TMEM127: variants seen among roughly 807,000 people sequenced by gnomAD.
TMEM127 encodes transmembrane protein 127.
A neutral mutation model predicts 20.1 loss-of-function variants in TMEM127; 21 were observed. The ratio of observed to expected loss-of-function variants is 1.04; its 90% CI spans 0.74 to 1.50. The LOEUF is 1.50. Among genes scored for constraint, TMEM127 ranks in the 40% most tolerant of loss-of-function variants. The probability of loss-of-function intolerance (pLI) is 0.00; values close to 1 mark genes in which losing one functional copy is unlikely to be tolerated. For synonymous variants in TMEM127, 150 were observed against 144.7 expected (o/e 1.04, Z -0.26); for missense variants, 303 against 317.4 (o/e 0.95, Z 0.34).
chr2:96,253,905 G>A lies in TMEM127; in HGVS notation c.620C>T (p.Ala207Val), dbSNP rs751044006. ...TTCCATCTCTGAGAGCAGCTCCAGCGCCTGCTCCTCTTCCTCTGTGGGGTA... is the reference window on the plus strand; with the variant it reads ...TTCCATCTCTGAGAGCAGCTCCAGCACCTGCTCCTCTTCCTCTGTGGGGTA... ...RHYPTEEEEQALELLSEMEEN... is the reference protein window; with the variant it reads ...RHYPTEEEEQVLELLSEMEEN... The change falls in exon 4 of 4, where the codon GCG (alanine) becomes GTG (valine). Residue 207 changes from alanine (A) to valine (V), a missense_variant. Ala to Val is a moderately conservative substitution (Grantham distance 64). Coordinates refer to ENST00000258439, the MANE Select transcript of TMEM127 (RefSeq NM_017849.4). The surrounding 1 kb of genome is among the most constrained non-coding windows in gnomAD (Gnocchi z 4.3). 35 of 1,613,954 alleles carry A rather than the reference G, an allele frequency of 2.2e-5. No individual in the cohort carries two copies. Among genetic ancestry groups the A allele is most frequent in the Non-Finnish European group, 2.5e-5 (29 of 1,179,844 alleles).
chr2:96,250,160 C>T lies in TMEM127; in HGVS notation c.*3648G>A, dbSNP rs971203249. ...GTCATTAAAATAAGGTTGCATCCCTCCCTTCCCTTCTGAAAATCCTTCCTG... is the reference window on the plus strand; with the variant it reads ...GTCATTAAAATAAGGTTGCATCCCTTCCTTCCCTTCTGAAAATCCTTCCTG... On this transcript the variant is annotated 3_prime_UTR_variant, in exon 4 of 4. Transcript: ENST00000258439. 2.1e-5 allele frequency: 5 copies of T among 233,440 alleles called. No individual in the cohort carries two copies. The highest frequency in any genetic ancestry group is 4.2e-5 in the Non-Finnish European group (5 of 118,150). 14.5% of individuals were successfully genotyped at this position (233,440 alleles called of 1,614,324 possible).
At position 96,254,915 on chromosome 2, in the gene TMEM127, GGAGA is replaced by G. The variant is rs1056808978; in HGVS notation, c.323_326del (p.Leu108ProfsTer15). ...GCCCAAAGACATCCAGAAGGAAAGC[GGAGA>G]GACTACACAGGATGCCCAGGAAACA... On this transcript the variant is annotated frameshift_variant, in exon 3 of 4. Transcript: ENST00000258439. LOFTEE classifies it high-confidence loss of function. The G allele has an allele frequency of 6.2e-7, 1 of 1,613,980 alleles. No homozygotes were observed. Among genetic ancestry groups the G allele is most frequent in the African/African-American group, 1.3e-5 (1 of 74,890 alleles).
chr2:96,250,092 C>T lies in TMEM127; in HGVS notation c.*3716G>A, dbSNP rs1049768245. The T allele has an allele frequency of 2.1e-5, 5 of 233,166 alleles. No individual in the cohort carries two copies. The highest frequency in any genetic ancestry group is 3.4e-5 in the Non-Finnish European group (4 of 118,058). 14.4% of individuals were successfully genotyped at this position (233,166 alleles called of 1,614,324 possible). On this transcript the variant is annotated 3_prime_UTR_variant, in exon 4 of 4. Coordinates refer to ENST00000258439, the MANE Select transcript of TMEM127 (RefSeq NM_017849.4). ...GGCAGGTCCTGTCTCCCACTTTCAA[C>T]ACCCTCACTTAAGGCCAGGCAGAAC...
chr2:96,265,082 C>A, intron 2 of TMEM127, 56 bp downstream of exon 2: 1 of 1,606,646 alleles, frequency 6.2e-7, no homozygotes, highest in Admixed American at 1.7e-5. Context: ...CTGCTTCAGC[C>A]AGAACACATT....
At chr2:96,256,693 G>A (rs553702617) in intron 2 of TMEM127, among the ~76,000 whole-genome samples, 1 of 152,086 alleles carries the variant, frequency 6.6e-6, no homozygotes, top group East Asian at 1.9e-4. Flanking sequence ...TTAGAGAAAT[G>A]TGCAGCTACA....
rs1381836618 is a variant in TMEM127, at chr2:96,249,679, A to C, written c.*4129T>G. On this transcript the variant is annotated 3_prime_UTR_variant, in exon 4 of 4. Transcript: ENST00000258439. ...CACTCCCCCCAAAAAATGCAGAGGA[A>C]GAGGTAAGATTGCAGGCTATTTGAA... The C allele has an allele frequency of 1.7e-5, 4 of 232,824 alleles. No homozygotes were observed. In the East Asian group the frequency reaches 2.4e-4, roughly 14 times the overall value. 14.4% of individuals were successfully genotyped at this position (232,824 alleles called of 1,614,324 possible).
intron 1 of TMEM127, 49 bp downstream of exon 1, chr2:96,265,820 C>A (rs568016782): frequency 5.5e-6 from 1 of 183,372 alleles, no homozygotes; most frequent in East Asian, 1.2e-4. Flanking sequence ...GTTTGGGGTG[C>A]GACCTGTGCG....
intron 3 of TMEM127, among the ~76,000 whole-genome samples, chr2:96,254,495 G>A (rs1487568947): frequency 1.3e-5 from 2 of 152,192 alleles, no homozygotes; most frequent in Non-Finnish European, 2.9e-5. Flanking sequence ...CTGACCAGGA[G>A]CTCCAGGGGA....
In TMEM127 at chr2:96,250,644, C is replaced by A; in HGVS notation, c.*3164G>T. The stretch of plus-strand genomic sequence containing the variant: ...TAAATGGGCTGCTCCCTGAAGAGAG[C>A]CCTCAGCTCTTTTACCGTGATGCAC... On this transcript the variant is annotated 3_prime_UTR_variant, in exon 4 of 4. Transcript: ENST00000258439. 4.3e-6 allele frequency: 1 copy of A among 232,986 alleles called. No homozygotes were observed. The highest frequency in any genetic ancestry group is 6.0e-5 in the East Asian group (1 of 16,560). The allele number at this position is 232,986 out of a possible 1,614,324, so 14.4% of individuals were successfully genotyped here.
At chr2:96,255,721 G>T (rs1466189372) in intron 2 of TMEM127, among the ~76,000 whole-genome samples, 1 of 152,100 alleles carries the variant, frequency 6.6e-6, no homozygotes, top group East Asian at 1.9e-4. Context: ...CACTTAAAAT[G>T]GTTATTAATA....
Position 96,251,954 on chromosome 2 carries a change from A to G in TMEM127, c.*1854T>C, listed in dbSNP as rs1245702099. On this transcript the variant is annotated 3_prime_UTR_variant, in exon 4 of 4. Transcript: ENST00000258439. ...CCAAGGGCAGAGAGAGCTGGCCACAAGTAAACCTGCCAATGACAAACTCAG... is the reference window on the plus strand; with the variant it reads ...CCAAGGGCAGAGAGAGCTGGCCACAGGTAAACCTGCCAATGACAAACTCAG... 10 of 233,256 alleles carry G rather than the reference A, an allele frequency of 4.3e-5. No homozygotes were observed. Among genetic ancestry groups the G allele is most frequent in the Non-Finnish European group, 8.5e-5 (10 of 117,838 alleles). 14.4% of individuals were successfully genotyped at this position (233,256 alleles called of 1,614,324 possible).
At position 96,250,919 on chromosome 2, in the gene TMEM127, TA is replaced by T. The variant is rs139762991; in HGVS notation, c.*2888del. 660 of 229,012 alleles carry T rather than the reference TA, an allele frequency of 2.9e-3. 2 individuals are homozygous for T. Among genetic ancestry groups the T allele is most frequent in the Non-Finnish European group, 4.9e-3 (568 of 115,464 alleles). The allele number at this position is 229,012 out of a possible 1,614,324, so 14.2% of individuals were successfully genotyped here. A position where few individuals can be genotyped will look rare whatever the true frequency, so the allele number is the denominator to read the frequency against. ...ACAGAAAAACACACAAATTATTAAA[TA>T]AAATTTAAACAATAGAGGGAAAAAA... is the stretch of plus-strand genomic sequence containing the variant. On this transcript the variant is annotated 3_prime_UTR_variant, in exon 4 of 4. Coordinates refer to ENST00000258439, the MANE Select transcript of TMEM127 (RefSeq NM_017849.4).
chr2:96,259,811 G>C (rs1037769734), intron 2 of TMEM127, among the ~76,000 whole-genome samples: 1 of 152,174 alleles, frequency 6.6e-6, no homozygotes, highest in Non-Finnish European at 1.5e-5. Flanking sequence ...GGGCATGCTG[G>C]GTCAGCTGAC....
rs1184921725 is a variant in TMEM127, at chr2:96,253,813, G to T, written c.712C>A (p.Pro238Thr). 4.3e-6 allele frequency: 7 copies of T among 1,609,894 alleles called. No individual in the cohort carries two copies. Among genetic ancestry groups the T allele is most frequent in the Non-Finnish European group, 5.1e-6 (6 of 1,176,686 alleles). The change falls in exon 4 of 4, where the codon CCC becomes ACC. Residue 238 changes from proline to threonine, a missense_variant. By Grantham distance (38) the Pro-to-Thr change is conservative. Transcript: ENST00000258439. This position sits in a 1 kb window ranked among gnomAD's most constrained non-coding sequence, Gnocchi z 4.3. ...AAGAGAGCCCAGGGCTGGCATTAGG[G>T]TGTGTAAGCAGGGGGTGGCTGGAAC... ...NQFQPPPAYTP is the reference protein window; with the variant it reads ...NQFQPPPAYTT
In TMEM127 at chr2:96,253,863, G is replaced by A. The variant is rs144326855; in HGVS notation, c.662C>T (p.Pro221Leu). The A allele has an allele frequency of 8.1e-6, 13 of 1,613,920 alleles. No individual in the cohort carries two copies. The highest frequency in any genetic ancestry group is 2.2e-5 in the East Asian group (1 of 44,886). ...CTGGTTGATGACCTCATATTCCGCC[G>A]GGTAGGGCTCGTTCTCTTCCATCTC... ...LSEMEENEPY[P>L]AEYEVINQFQ... Residue 221 changes from proline to leucine, a missense_variant, in exon 4 of 4, where the codon CCG (proline) becomes CTG (leucine). Physicochemically the swap from Pro to Leu is moderately conservative, Grantham distance 98. Transcript: ENST00000258439. This position sits in a 1 kb window ranked among gnomAD's most constrained non-coding sequence, Gnocchi z 4.3.
intron 3 of TMEM127, among the ~76,000 whole-genome samples, 171 bp from the exon 4 acceptor site, chr2:96,254,286 T>G (rs1684156480): frequency 6.6e-6 from 1 of 152,146 alleles, no homozygotes; most frequent in Non-Finnish European, 1.5e-5. Context: ...GGCCTGAGGT[T>G]GGGGACAGCA....
chr2:96,249,080 TGTGTGTGTGTG>T lies in TMEM127; in HGVS notation c.*4717_*4727del, dbSNP rs1310920581. On this transcript the variant is annotated 3_prime_UTR_variant, in exon 4 of 4. Coordinates refer to ENST00000258439, the MANE Select transcript of TMEM127 (RefSeq NM_017849.4). ...CAAAGCTTATGGTGAGGAACCTGTG[TGTGTGTGTGTG>T]GTGTGTGTGTGTGTGTGTGTGTGTG... 13 of 230,592 alleles carry T rather than the reference TGTGTGTGTGTG, an allele frequency of 5.6e-5. No individual in the cohort carries two copies. Among genetic ancestry groups the T allele is most frequent in the Non-Finnish European group, 1.0e-4 (12 of 117,550 alleles). 14.3% of individuals were successfully genotyped at this position (230,592 alleles called of 1,614,324 possible). A position where few individuals can be genotyped will look rare whatever the true frequency, so the allele number is the denominator to read the frequency against.
intron 2 of TMEM127, among the ~76,000 whole-genome samples, chr2:96,261,887 G>T (rs1419877921): frequency 1.3e-5 from 2 of 152,118 alleles, no homozygotes; most frequent in African/African-American, 4.8e-5. Flanking sequence ...CTGAGAAATG[G>T]TAAGGCTGCT....
chr2:96,250,580 GA>G lies in TMEM127; in HGVS notation c.*3227del, dbSNP rs1305475943. The G allele has an allele frequency of 1.3e-5, 3 of 232,880 alleles. No individual in the cohort carries two copies. The highest frequency in any genetic ancestry group is 2.5e-5 in the Non-Finnish European group (3 of 117,894). 14.4% of individuals were successfully genotyped at this position (232,880 alleles called of 1,614,324 possible). A position where few individuals can be genotyped will look rare whatever the true frequency, so the allele number is the denominator to read the frequency against. ...ATGAGAACACACTCCCAGCTTCCAA[GA>G]AAGATGTGTATTCTCCCTAACAACA... is the stretch of plus-strand genomic sequence containing the variant. On this transcript the variant is annotated 3_prime_UTR_variant, in exon 4 of 4. Transcript: ENST00000258439.
Sources: gnomAD v4.1 joint callset for allele counts (sites outside exome capture counted in the v4.1 genomes callset) on GRCh38, gnomAD v4.1.1 for gene constraint, Gnocchi (gnomAD v3.1) non-coding constraint, MANE v1.5 for transcripts, NCBI Gene and HGNC (gene_info 2026-07-23, HGNC 2026-07-21) for gene names.